Variants in CSMD2 observed in about 807,000 individuals in gnomAD.
The protein encoded by CSMD2 is CUB and sushi domain-containing protein 2.
Under a neutral mutation model 398.5 loss-of-function variants are expected in CSMD2, and 130 were observed. That is an observed-to-expected ratio of 0.33 (90% CI 0.28 to 0.38). The LOEUF (loss-of-function observed/expected upper bound fraction) is 0.38. Ranked by LOEUF, CSMD2 falls within the 10% of genes least tolerant of loss-of-function variation. CSMD2 has a pLI of 1.00. For missense variants in CSMD2, 3,829 were observed against 4,764.9 expected, an observed-to-expected ratio of 0.80 and a Z score of 5.78; for synonymous variants, 1,828 against 1,908.5, an observed-to-expected ratio of 0.96 and a Z score of 1.10.
rs149884113 is a variant in CSMD2, at chr1:34,125,882, G to A, written c.188-36689C>T. 2.0e-3 allele frequency among the ~76,000 whole-genome samples: 309 copies of A among 152,252 alleles called. 1 individual carries two copies. The highest frequency in any genetic ancestry group is 6.5e-3 in the African/African-American group (270 of 41,554). On this transcript the variant is annotated intron_variant, in intron 1 of 70. Coordinates refer to ENST00000373381, the MANE Select transcript of CSMD2 (RefSeq NM_001281956.2). ...GACATGCTGCTCCAGTTCAGGCCCC[G>A]GGAGGGCTTTTGAGGGGGAGATCTC...
intron 27 of CSMD2, among the ~76,000 whole-genome samples, chr1:33,655,903 C>T (rs1037343020): frequency 1.3e-5 from 2 of 152,240 alleles, no homozygotes; most frequent in African/African-American, 4.8e-5. Flanking sequence ...ACATTTATTG[C>T]TCTCCTCAGC....
intron 4 of CSMD2, among the ~76,000 whole-genome samples, chr1:33,929,527 T>G (rs1184185787): frequency 7.1e-6 from 1 of 140,946 alleles, no homozygotes; most frequent in Non-Finnish European, 1.5e-5. Context: ...AACCTCCACC[T>G]CCCGGATTCA....
chr1:33,793,914 G>C (rs1474050466), intron 10 of CSMD2, among the ~76,000 whole-genome samples: 3 of 152,108 alleles, frequency 2.0e-5, no homozygotes, highest in Admixed American at 6.5e-5. Context: ...GACACACACA[G>C]GCACTCACTC....
intron 14 of CSMD2, among the ~76,000 whole-genome samples, chr1:33,742,492 G>C (rs950271384): frequency 6.6e-6 from 1 of 151,814 alleles, no homozygotes; most frequent in Non-Finnish European, 1.5e-5. Flanking sequence ...CATCAGCCAA[G>C]TCCACTGGAT....
At chr1:33,833,834 C>T (rs7368402) in intron 6 of CSMD2, among the ~76,000 whole-genome samples, 18,997 of 151,992 alleles carry the variant, frequency 0.12, 1,687 homozygotes, top group South Asian at 0.36. Flanking sequence ...ACAAAAATCA[C>T]AAGCATTCTT....
chr1:33,763,471 G>A lies in CSMD2; in HGVS notation c.1846+9098C>T, dbSNP rs114045452. 1.0e-3 allele frequency among the ~76,000 whole-genome samples: 154 copies of A among 152,230 alleles called. 1 individual carries two copies. The highest frequency in any genetic ancestry group is 3.6e-3 in the African/African-American group (148 of 41,532). On this transcript the variant is annotated intron_variant, in intron 13 of 70. Transcript: ENST00000373381. The stretch of plus-strand genomic sequence containing the variant: ...TGATTCTAATGGTTAGCTGGGTTTG[G>A]GTCTACTTTAGACCACGCAGGGCCA...
At chr1:34,031,730 C>T (rs532709795) in intron 3 of CSMD2, among the ~76,000 whole-genome samples, 2 of 133,142 alleles carry the variant, frequency 1.5e-5, no homozygotes, top group Non-Finnish European at 3.1e-5. Flanking sequence ...AAGAAAGCAT[C>T]GCTTACTCTT....
intron 12 of CSMD2, among the ~76,000 whole-genome samples, chr1:33,781,748 C>T (rs1433144595): frequency 6.6e-6 from 1 of 152,184 alleles, no homozygotes; most frequent in African/African-American, 2.4e-5. Context: ...CTGGTAAGTG[C>T]TAATTGCCTG....
chr1:33,540,290 T>C (rs1028692991), intron 60 of CSMD2, among the ~76,000 whole-genome samples: 2 of 151,824 alleles, frequency 1.3e-5, no homozygotes, highest in Non-Finnish European at 2.9e-5. Context: ...CCAATATCTC[T>C]AGCTTAATTT....
At chr1:33,916,468 C>A (rs1326091309) in intron 5 of CSMD2, among the ~76,000 whole-genome samples, 4 of 152,168 alleles carry the variant, frequency 2.6e-5, no homozygotes, top group Non-Finnish European at 4.4e-5. Context: ...CTCACCTTAA[C>A]CTTCAACCCA....
intron 24 of CSMD2, among the ~76,000 whole-genome samples, chr1:33,693,542 CA>C (rs1227822408): frequency 6.6e-6 from 1 of 152,136 alleles, no homozygotes; most frequent in Non-Finnish European, 1.5e-5. Context: ...GGTGGTTCCT[CA>C]AAATGTTAAA....
chr1:33,961,429 C>G (rs1293472112), intron 3 of CSMD2, among the ~76,000 whole-genome samples: 2 of 152,228 alleles, frequency 1.3e-5, no homozygotes, highest in African/African-American at 4.8e-5. Context: ...GCAAAGGAGG[C>G]CAGTATCTCA....
At chr1:33,612,552 A>G (rs1270247358) in intron 40 of CSMD2, among the ~76,000 whole-genome samples, 3 of 152,224 alleles carry the variant, frequency 2.0e-5, no homozygotes, top group Non-Finnish European at 4.4e-5. Flanking sequence ...ATCCATGTTA[A>G]TATACAAAAA....
At position 33,519,648 on chromosome 1, in the gene CSMD2, T is replaced by C; in HGVS notation, c.10766A>G (p.Tyr3589Cys). The C allele has an allele frequency of 3.1e-6, 5 of 1,613,980 alleles. No individual in the cohort carries two copies. Among genetic ancestry groups the C allele is most frequent in the Non-Finnish European group, 3.4e-6 (4 of 1,179,990 alleles). ...AACATTGGTGTTCTCGTGGCCAGCA[T>C]AGCCATTGAAAGGAACTTTGGGTCT... Reference protein sequence around the residue: ...RRRPKVPFNGYAGHENTNVRA... With the variant: ...RRRPKVPFNGCAGHENTNVRA... Residue 3589 changes from tyrosine (Y) to cysteine (C), a missense_variant, in exon 70 of 71, where the codon TAT becomes TGT. By Grantham distance (194) the Tyr-to-Cys change is radical (BLOSUM62 -2). This residue lies in a region of CSMD2 where 917 missense variants were observed against 1,199.5 expected (regional missense o/e 0.76). Coordinates refer to ENST00000373381, the MANE Select transcript of CSMD2 (RefSeq NM_001281956.2). The surrounding 1 kb of genome is among the most constrained non-coding windows in gnomAD (Gnocchi z 5.6).
intron 3 of CSMD2, among the ~76,000 whole-genome samples, chr1:33,978,589 G>A (rs191401391): frequency 6.6e-6 from 1 of 152,246 alleles, no homozygotes; most frequent in Admixed American, 6.5e-5. Flanking sequence ...TGAAGGATAC[G>A]CAAGAGTTAA....
intron 5 of CSMD2, among the ~76,000 whole-genome samples, chr1:33,898,136 C>A (rs1407417397): frequency 6.6e-6 from 1 of 152,194 alleles, no homozygotes; most frequent in South Asian, 2.1e-4. Flanking sequence ...TTCCTGCCAG[C>A]TCATGGAGTC....
intron 10 of CSMD2, chr1:33,804,624 T>C (rs145605206): frequency 1.6e-4 from 115 of 698,230 alleles, no homozygotes; most frequent in Non-Finnish European, 2.9e-4. Context: ...CATATCTACA[T>C]CAATGAATGA....
chr1:34,088,454 C>T (rs10799025), intron 2 of CSMD2, among the ~76,000 whole-genome samples: 46,785 of 152,066 alleles, frequency 0.31, 7,367 homozygotes, highest in Admixed American at 0.38. Context: ...AGGAAGCCAT[C>T]TTACTCTCTC....
intron 2 of CSMD2, among the ~76,000 whole-genome samples, chr1:34,063,861 A>C (rs1001992238): frequency 6.6e-6 from 1 of 152,232 alleles, no homozygotes; most frequent in African/African-American, 2.4e-5. Flanking sequence ...CTGGGCATCC[A>C]GGCATTTGGA....
Sources: allele counts gnomAD v4.1 joint callset (sites outside exome capture counted in the v4.1 genomes callset), GRCh38; gene constraint gnomAD v4.1.1; regional missense constraint gnomAD v4.1.1; non-coding constraint Gnocchi (gnomAD v3.1); transcripts MANE v1.5; gene names NCBI Gene and HGNC (gene_info 2026-07-23, HGNC 2026-07-21).